The following TLE4 variants were observed in gnomAD, a reference collection of about 807,000 sequenced individuals.
The protein encoded by TLE4 is transducin-like enhancer protein 4.
Under a neutral mutation model 92.8 loss-of-function variants are expected in TLE4, and 8 were observed. The ratio of observed to expected loss-of-function variants is 0.09; its 90% CI spans 0.05 to 0.16. The LOEUF (loss-of-function observed/expected upper bound fraction) is 0.16, where lower values mean the gene tolerates loss of function less well. TLE4 is among the 10% of genes least tolerant of loss of function. The pLI is 1.00. For synonymous variants in TLE4, 371 were observed against 374.1 expected (o/e 0.99, Z 0.10); for missense variants, 675 against 997.6 (o/e 0.68, Z 4.36).
At chr9:79,706,117 T>C (rs2071490984) in intron 10 of TLE4, among the ~76,000 whole-genome samples, 175 bp downstream of exon 10, 1 of 152,194 alleles carries the variant, frequency 6.6e-6, no homozygotes, top group Non-Finnish European at 1.5e-5. Flanking sequence ...TGACCACAGT[T>C]CACTGCAGCC....
At chr9:79,713,072 G>A (rs896922112) in intron 14 of TLE4, among the ~76,000 whole-genome samples, 2 of 152,136 alleles carry the variant, frequency 1.3e-5, no homozygotes, top group South Asian at 4.1e-4. Flanking sequence ...ATTTTCTATC[G>A]TATTTCAATG....
intron 4 of TLE4, among the ~76,000 whole-genome samples, chr9:79,587,792 G>C (rs1458708108): frequency 6.6e-6 from 1 of 152,168 alleles, no homozygotes; most frequent in Non-Finnish European, 1.5e-5. Flanking sequence ...ATAGTTAACA[G>C]ATTTTTCATA....
At chr9:79,690,221 T>C (rs2066762753) in intron 8 of TLE4, among the ~76,000 whole-genome samples, 1 of 152,144 alleles carries the variant, frequency 6.6e-6, no homozygotes, top group African/African-American at 2.4e-5. Flanking sequence ...GTCCTAGTAA[T>C]GCTAATTCTT....
intron 11 of TLE4, among the ~76,000 whole-genome samples, chr9:79,707,518 CAA>C (rs1206140262): frequency 2.2e-4 from 34 of 152,076 alleles, no homozygotes; most frequent in Non-Finnish European, 1.2e-4. Context: ...AATAAAAAGA[CAA>C]ATTCAGTTTT....
chr9:79,621,381 A>G (rs1030024142), intron 5 of TLE4, among the ~76,000 whole-genome samples: 3 of 152,184 alleles, frequency 2.0e-5, no homozygotes, highest in African/African-American at 7.2e-5. Context: ...CCTAGAAGAG[A>G]TAAAATTGAG....
chr9:79,596,246 C>G (rs988550360), intron 4 of TLE4, among the ~76,000 whole-genome samples: 1 of 152,066 alleles, frequency 6.6e-6, no homozygotes, highest in African/African-American at 2.4e-5. Flanking sequence ...GTCTGAGAAG[C>G]TTTAAAATTA....
In TLE4 at chr9:79,704,419, C is replaced by T. The variant is rs2070909998; in HGVS notation, c.610-364C>T. Among the ~76,000 whole-genome samples the T allele has an allele frequency of 2.0e-5, 3 of 152,250 alleles. No homozygotes were observed. The South Asian group carries it at 6.2e-4, about 32-fold the overall frequency. Reference sequence around the variant, plus strand: ...TGAATCACCATGCCCAGCCCCTTTCCCAAGTTTCTAAAGGCACTTCAACAG... The same window carrying T: ...TGAATCACCATGCCCAGCCCCTTTCTCAAGTTTCTAAAGGCACTTCAACAG... On this transcript the variant is annotated intron_variant, in intron 8 of 19. Transcript: ENST00000376552.
chr9:79,694,776 GAAAA>G (rs11423636), intron 8 of TLE4, among the ~76,000 whole-genome samples: 3 of 141,500 alleles, frequency 2.1e-5, no homozygotes. Context: ...TTACTAACCA[GAAAA>G]AAAAAAAAGC....
chr9:79,579,652 ATG>A (rs979576583), intron 4 of TLE4, among the ~76,000 whole-genome samples: 4 of 152,072 alleles, frequency 2.6e-5, no homozygotes, highest in Admixed American at 2.6e-4. Context: ...GTATTTTTAT[ATG>A]TGTGTGTATT....
intron 4 of TLE4, among the ~76,000 whole-genome samples, chr9:79,586,448 C>G (rs2041129521): frequency 6.6e-6 from 1 of 151,886 alleles, no homozygotes; most frequent in Admixed American, 6.6e-5. Context: ...CAAAGATGTG[C>G]AAAGGGACTA....
intron 8 of TLE4, among the ~76,000 whole-genome samples, chr9:79,701,230 G>A (rs1254340108): frequency 6.6e-6 from 1 of 152,148 alleles, no homozygotes; most frequent in Non-Finnish European, 1.5e-5. Flanking sequence ...TGCCCACTGT[G>A]CAGCTTAACC....
intron 14 of TLE4, among the ~76,000 whole-genome samples, chr9:79,716,348 T>C (rs2074498852): frequency 6.6e-6 from 1 of 152,236 alleles, no homozygotes; most frequent in Non-Finnish European, 1.5e-5. Flanking sequence ...ATATGCTGCC[T>C]CTTCAGAGAG....
rs1554807746 is a variant in TLE4, at chr9:79,720,377, G to GGTGGGT, written c.1838+87_1838+88insGGTGTG. ...CCAAAGTGCTGTGTATATAGGTATG[G>GGTGGGT]GTGTGTGTGTGTGTGTGTGTGTGTG... is the stretch of plus-strand genomic sequence containing the variant. On this transcript the variant is annotated intron_variant, in intron 16 of 19. Coordinates refer to ENST00000376552, the MANE Select transcript of TLE4 (RefSeq NM_007005.6). 5 of 316,578 alleles carry GGTGGGT rather than the reference G, an allele frequency of 1.6e-5. No individual in the cohort carries two copies. The African/African-American group carries it at 1.8e-4, about 11-fold the overall frequency. 19.6% of individuals were successfully genotyped at this position (316,578 alleles called of 1,614,324 possible). A position where few individuals can be genotyped will look rare whatever the true frequency, so the allele number is the denominator to read the frequency against.
At chr9:79,710,031 A>C (rs187298509) in intron 14 of TLE4, among the ~76,000 whole-genome samples, 32 of 152,338 alleles carry the variant, frequency 2.1e-4, no homozygotes, top group Non-Finnish European at 2.6e-4. Flanking sequence ...TCAAAATTTG[A>C]ATATGTTGGG....
chr9:79,656,660 G>A (rs1193526278), intron 8 of TLE4, among the ~76,000 whole-genome samples: 1 of 152,154 alleles, frequency 6.6e-6, no homozygotes, highest in Non-Finnish European at 1.5e-5. Context: ...AGCCCCAGTG[G>A]AACATTTTGA....
At chr9:79,701,012 TAAA>T (rs982599460) in intron 8 of TLE4, among the ~76,000 whole-genome samples, 5 of 151,966 alleles carry the variant, frequency 3.3e-5, no homozygotes, top group African/African-American at 1.2e-4. Flanking sequence ...AATAGAGAAA[TAAA>T]AAATAATAAA....
intron 8 of TLE4, among the ~76,000 whole-genome samples, chr9:79,671,995 CTTTTTTTTTTTTTT>C (rs773064446): frequency 5.3e-4 from 18 of 33,716 alleles, no homozygotes; most frequent in African/African-American, 2.0e-3. Flanking sequence ...AAACAAAACA[CTTTTTTTTTTTTTT>C]TTTTTTTTTT....
intron 19 of TLE4, among the ~76,000 whole-genome samples, 177 bp downstream of exon 19, chr9:79,723,212 C>G (rs1410944340): frequency 6.6e-6 from 1 of 152,206 alleles, no homozygotes; most frequent in Non-Finnish European, 1.5e-5. Context: ...AGCCGTGGAG[C>G]TGGGGATAGT....
intron 4 of TLE4, among the ~76,000 whole-genome samples, chr9:79,588,484 GCTT>G (rs1401240716): frequency 6.6e-6 from 1 of 152,100 alleles, no homozygotes; most frequent in Non-Finnish European, 1.5e-5. Context: ...CAAATCGTCT[GCTT>G]CTGTGTTCTG....
Sources: allele counts gnomAD v4.1 joint callset (sites outside exome capture counted in the v4.1 genomes callset), GRCh38; gene constraint gnomAD v4.1.1; transcripts MANE v1.5; gene names NCBI Gene and HGNC (gene_info 2026-07-23, HGNC 2026-07-21).